The following GRIN2A variants were observed in gnomAD, a reference collection of about 807,000 sequenced individuals.
GRIN2A encodes the protein glutamate ionotropic receptor NMDA type subunit 2A.
GRIN2A carries 22 observed loss-of-function variants against 113.4 expected under a neutral mutation model. The observed-to-expected ratio is 0.19, with a 90% CI of 0.14 to 0.28. GRIN2A has a LOEUF of 0.28. Ranked by LOEUF, GRIN2A falls within the 10% of genes least tolerant of loss-of-function variation. GRIN2A has a pLI of 1.00. For missense variants in GRIN2A, 1,502 were observed against 1,887.0 expected (o/e 0.80, Z 3.78); for synonymous variants, 827 against 738.4 (o/e 1.12, Z -1.94).
rs147409516 is a variant in GRIN2A at position 10,014,734 on chromosome 16, G to A, written c.415-76183C>T. ...GAGGGTGTCTCAAGAAGTGACAACC[G>A]TTTTAAGTCATTTAAACATAGGTCA... On this transcript the variant is annotated intron_variant, in intron 2 of 12. Transcript: ENST00000330684. Among the ~76,000 whole-genome samples the A allele has an allele frequency of 2.3e-3, 348 of 152,238 alleles. 1 individual carries two copies. Among genetic ancestry groups the A allele is most frequent in the African/African-American group, 7.8e-3 (325 of 41,542 alleles).
chr16:10,125,947 GC>G (rs1464383198), intron 2 of GRIN2A, among the ~76,000 whole-genome samples: 2 of 152,040 alleles, frequency 1.3e-5, no homozygotes, highest in Admixed American at 6.6e-5. Flanking sequence ...AAAACTGGGG[GC>G]CAGGAGGTGG....
chr16:10,100,876 T>C (rs531144929), intron 2 of GRIN2A, among the ~76,000 whole-genome samples: 2 of 152,340 alleles, frequency 1.3e-5, no homozygotes, highest in Admixed American at 1.3e-4. Flanking sequence ...ACAGACGTGC[T>C]GGCCAATGTT....
At chr16:10,109,718 T>G (rs952592148) in intron 2 of GRIN2A, among the ~76,000 whole-genome samples, 1 of 152,014 alleles carries the variant, frequency 6.6e-6, no homozygotes, top group African/African-American at 2.4e-5. Flanking sequence ...AATTGAACAT[T>G]TTTAAATAAC....
chr16:10,125,663 T>TC (rs78937534), intron 2 of GRIN2A, among the ~76,000 whole-genome samples: 140,028 of 149,384 alleles, frequency 0.94, 66,316 homozygotes, highest in East Asian at 1. Flanking sequence ...GTTCCGAGTC[T>TC]CCCCTCCCTG....
chr16:10,169,916 C>T (rs753894043), intron 2 of GRIN2A, among the ~76,000 whole-genome samples: 2 of 152,116 alleles, frequency 1.3e-5, no homozygotes, highest in African/African-American at 2.4e-5. Flanking sequence ...ATGTGGCCTC[C>T]ACATATCCCC....
chr16:10,060,585 C>G (rs1056608532), intron 2 of GRIN2A, among the ~76,000 whole-genome samples: 28 of 152,210 alleles, frequency 1.8e-4, no homozygotes, highest in Non-Finnish European at 1.0e-4. Flanking sequence ...AAAACTGTTC[C>G]TAGTGCTTGA....
At chr16:10,106,468 C>G (rs1159058991) in intron 2 of GRIN2A, among the ~76,000 whole-genome samples, 7 of 151,776 alleles carry the variant, frequency 4.6e-5, no homozygotes, top group Non-Finnish European at 1.0e-4. Context: ...CAAATCCCAC[C>G]ACTCTAGTAC....
chr16:9,804,384 C>T (rs903447267), intron 10 of GRIN2A, among the ~76,000 whole-genome samples: 3 of 151,992 alleles, frequency 2.0e-5, no homozygotes, highest in Non-Finnish European at 4.4e-5. Context: ...ACTGAAAGCC[C>T]AGTTAAGAAC....
chr16:10,020,003 T>A (rs1019747807), intron 2 of GRIN2A, among the ~76,000 whole-genome samples: 3 of 152,208 alleles, frequency 2.0e-5, no homozygotes, highest in African/African-American at 7.2e-5. Flanking sequence ...ATGGTGGTGA[T>A]CATTTCACAG....
intron 2 of GRIN2A, among the ~76,000 whole-genome samples, chr16:10,074,192 A>C (rs2047822152): frequency 6.6e-6 from 1 of 152,216 alleles, no homozygotes. Flanking sequence ...CTTCACACTC[A>C]CCAGGATGGC....
rs886508532 is a variant in GRIN2A, at chr16:10,182,247, C to G, written c.-389G>C. 6.6e-6 allele frequency: 1 copy of G among 152,522 alleles called. No homozygotes were observed. The highest frequency in any genetic ancestry group is 6.5e-5 in the Admixed American group (1 of 15,282). The allele number at this position is 152,522 out of a possible 1,614,324, so 9.4% of individuals were successfully genotyped here. ...GACGCCCCCAGTGCGGATCCTCAGC[C>G]CCTGTGGCTGATAGCGGGAGCTCCA... On this transcript the variant is annotated 5_prime_UTR_variant, in exon 1 of 13. Coordinates refer to ENST00000330684, the MANE Select transcript of GRIN2A (RefSeq NM_001134407.3).
At chr16:9,960,632 T>C (rs145325180) in intron 2 of GRIN2A, among the ~76,000 whole-genome samples, 273 of 152,348 alleles carry the variant, frequency 1.8e-3, no homozygotes, top group Middle Eastern at 6.8e-3. Context: ...TTTTTATTTA[T>C]GTATTTATTT....
chr16:10,048,903 C>T (rs2047306981), intron 2 of GRIN2A, among the ~76,000 whole-genome samples: 1 of 152,166 alleles, frequency 6.6e-6, no homozygotes, highest in Non-Finnish European at 1.5e-5. Flanking sequence ...CCAAGTTCTA[C>T]AAGCCTCCTT....
chr16:10,143,636 G>T (rs2049373583), intron 2 of GRIN2A, among the ~76,000 whole-genome samples: 2 of 152,098 alleles, frequency 1.3e-5, no homozygotes, highest in African/African-American at 2.4e-5. Flanking sequence ...ATAATCAGGG[G>T]GTTGGTAAGG....
intron 2 of GRIN2A, among the ~76,000 whole-genome samples, chr16:9,976,804 C>T (rs1271253651): frequency 1.3e-5 from 2 of 152,224 alleles, no homozygotes; most frequent in African/African-American, 2.4e-5. Context: ...AGATATATCC[C>T]TCCGAGGGAA....
At chr16:9,773,123 G>A (rs1901380901) in intron 11 of GRIN2A, among the ~76,000 whole-genome samples, 1 of 152,088 alleles carries the variant, frequency 6.6e-6, no homozygotes, top group Non-Finnish European at 1.5e-5. Context: ...CAGGGACCAT[G>A]TTTTATGGTT....
chr16:9,900,054 G>C (rs371896317), intron 3 of GRIN2A, among the ~76,000 whole-genome samples: 1 of 152,184 alleles, frequency 6.6e-6, no homozygotes, highest in Non-Finnish European at 1.5e-5. Context: ...GATACACAAC[G>C]TGATAAAGGC....
chr16:10,112,780 C>A, intron 2 of GRIN2A: 1 of 702,686 alleles, frequency 1.4e-6, no homozygotes. Flanking sequence ...CAGCATGGCT[C>A]CATGATGTAC....
chr16:10,142,943 C>T (rs983729336), intron 2 of GRIN2A, among the ~76,000 whole-genome samples: 1 of 152,188 alleles, frequency 6.6e-6, no homozygotes. Flanking sequence ...ATAAAAATAA[C>T]ATGTAATTTG....
Sources: allele counts gnomAD v4.1 joint callset (sites outside exome capture counted in the v4.1 genomes callset), GRCh38; gene constraint gnomAD v4.1.1; transcripts MANE v1.5; gene names NCBI Gene and HGNC (gene_info 2026-07-23, HGNC 2026-07-21).